The following DLGAP2 variants were observed in gnomAD, a reference collection of about 807,000 sequenced individuals.
DLGAP2 encodes DLG associated protein 2.
A neutral mutation model predicts 100.3 loss-of-function variants in DLGAP2; 26 were observed. The observed-to-expected ratio is 0.26, with a 90% CI of 0.19 to 0.36. DLGAP2 has a LOEUF of 0.36. DLGAP2 is among the 10% of genes least tolerant of loss of function. DLGAP2 has a pLI of 1.00. For missense variants in DLGAP2, 1,858 were observed against 1,453.2 expected, an observed-to-expected ratio of 1.28 and a Z score of -4.53; for synonymous variants, 886 against 630.1, an observed-to-expected ratio of 1.41 and a Z score of -6.08.
rs149100980 is a variant in DLGAP2, at chr8:1,259,351, G to A, written c.106+468G>A. 1.6e-3 allele frequency among the ~76,000 whole-genome samples: 249 copies of A among 152,278 alleles called. 1 individual carries two copies. Among genetic ancestry groups the A allele is most frequent in the African/African-American group, 5.6e-3 (231 of 41,556 alleles). ...CAGTGTTGCTTATTTAACTTTCTAC[G>A]CAAGTCTCCTGTGTTTAAAACACGC... On this transcript the variant is annotated intron_variant, in intron 3 of 14. Transcript: ENST00000637795.
chr8:1,311,417 A>G (rs1481003900), intron 3 of DLGAP2, among the ~76,000 whole-genome samples: 2 of 152,252 alleles, frequency 1.3e-5, no homozygotes, highest in Admixed American at 1.3e-4. Flanking sequence ...AACAATTCCT[A>G]ACACATTCCT....
chr8:1,433,943 G>A (rs936661064), intron 3 of DLGAP2, among the ~76,000 whole-genome samples: 1 of 152,052 alleles, frequency 6.6e-6, no homozygotes, highest in Non-Finnish European at 1.5e-5. Context: ...ACACCTCTTT[G>A]CAAACCACAA....
chr8:1,200,867 G>C (rs1212508553), intron 2 of DLGAP2, among the ~76,000 whole-genome samples: 1 of 152,220 alleles, frequency 6.6e-6, no homozygotes, highest in Non-Finnish European at 1.5e-5. Context: ...GGCATCGAAC[G>C]ATGCGTCCGC....
chr8:852,671 A>G (rs1369202960), intron 1 of DLGAP2, among the ~76,000 whole-genome samples: 1 of 152,168 alleles, frequency 6.6e-6, no homozygotes, highest in Non-Finnish European at 1.5e-5. Context: ...ATGTTCGCAG[A>G]TGTCATGCTA....
intron 1 of DLGAP2, among the ~76,000 whole-genome samples, chr8:787,322 A>G (rs1400729536): frequency 6.6e-6 from 1 of 152,146 alleles, no homozygotes; most frequent in Non-Finnish European, 1.5e-5. Flanking sequence ...ACGTTCTGTG[A>G]TGCTGAGGAC....
chr8:1,071,332 C>T (rs555129874), intron 2 of DLGAP2, among the ~76,000 whole-genome samples: 18 of 152,286 alleles, frequency 1.2e-4, no homozygotes, highest in Middle Eastern at 3.4e-3. Context: ...CCACTTCGGC[C>T]GCCTCCACGG....
intron 2 of DLGAP2, among the ~76,000 whole-genome samples, chr8:1,243,884 G>C (rs1388093932): frequency 6.6e-6 from 1 of 152,194 alleles, no homozygotes; most frequent in Non-Finnish European, 1.5e-5. Flanking sequence ...ATTAAGTCCA[G>C]TGCCTCAGCA....
chr8:1,588,723 G>A (rs1796199765), intron 6 of DLGAP2, among the ~76,000 whole-genome samples: 1 of 122,740 alleles, frequency 8.1e-6, no homozygotes, highest in Non-Finnish European at 1.6e-5. Flanking sequence ...CCAACATGGT[G>A]AAAGCTGTCT....
chr8:1,282,625 G>A (rs1320558497), intron 3 of DLGAP2, among the ~76,000 whole-genome samples: 1 of 109,196 alleles, frequency 9.2e-6, no homozygotes, highest in Non-Finnish European at 1.8e-5. Context: ...CCATCCAGAC[G>A]TGGTGTGACC....
chr8:1,418,105 A>G (rs558282474), intron 3 of DLGAP2, among the ~76,000 whole-genome samples: 2 of 152,288 alleles, frequency 1.3e-5, no homozygotes, highest in South Asian at 4.1e-4. Flanking sequence ...CTGTCCCTCC[A>G]CCAAATAAAA....
Position 861,726 on chromosome 8 carries a change from C to T in DLGAP2, c.19-46186C>T, listed in dbSNP as rs894243442. On this transcript the variant is annotated intron_variant, in intron 1 of 14. Coordinates refer to ENST00000637795, the MANE Select transcript of DLGAP2 (RefSeq NM_001346810.2). ...GGCGGTTGCAAACCTGGCGAGGCCT[C>T]CGTTCCTACTCAAGGGACAGCAGCG... 2.6e-5 allele frequency among the ~76,000 whole-genome samples: 4 copies of T among 152,342 alleles called. No homozygotes were observed. In the East Asian group the frequency reaches 7.7e-4, roughly 29 times the overall value.
chr8:874,867 C>T (rs1797660670), intron 1 of DLGAP2, among the ~76,000 whole-genome samples: 1 of 152,128 alleles, frequency 6.6e-6, no homozygotes, highest in South Asian at 2.1e-4. Context: ...GTTTTTGCTT[C>T]ACATGTTTTG....
At chr8:1,315,413 C>G (rs1478836641) in intron 3 of DLGAP2, among the ~76,000 whole-genome samples, 1 of 141,428 alleles carries the variant, frequency 7.1e-6, no homozygotes, top group South Asian at 2.3e-4. Context: ...AACTCGGCAG[C>G]TTTTAAAAAT....
intron 2 of DLGAP2, among the ~76,000 whole-genome samples, chr8:1,029,434 G>T (rs1801911124): frequency 6.6e-6 from 1 of 152,246 alleles, no homozygotes; most frequent in Non-Finnish European, 1.5e-5. Context: ...GGAAATCAAT[G>T]GAAGAGGTTC....
At chr8:1,664,927 G>A (rs1462913485) in intron 8 of DLGAP2, among the ~76,000 whole-genome samples, 1 of 152,230 alleles carries the variant, frequency 6.6e-6, no homozygotes, top group African/African-American at 2.4e-5. Flanking sequence ...ATCACTGTGT[G>A]TGCCCTGCCA....
chr8:1,189,063 A>G (rs1563241395), intron 2 of DLGAP2, among the ~76,000 whole-genome samples: 1 of 146,996 alleles, frequency 6.8e-6, no homozygotes, highest in Non-Finnish European at 1.5e-5. Flanking sequence ...GAGCATACAC[A>G]GGGTTCGGGC....
At chr8:1,198,529 G>T (rs992914054) in intron 2 of DLGAP2, among the ~76,000 whole-genome samples, 11 of 152,136 alleles carry the variant, frequency 7.2e-5, no homozygotes, top group African/African-American at 2.7e-4. Context: ...CGGGGGAAGG[G>T]GCTGCGAGGA....
chr8:1,229,743 A>G (rs536574665), intron 2 of DLGAP2, among the ~76,000 whole-genome samples: 18 of 152,364 alleles, frequency 1.2e-4, no homozygotes, highest in African/African-American at 4.1e-4. Flanking sequence ...GCAGTTCACC[A>G]CATAAACAGA....
chr8:1,262,934 C>A (rs1799380866), intron 3 of DLGAP2, among the ~76,000 whole-genome samples: 1 of 152,078 alleles, frequency 6.6e-6, no homozygotes, highest in African/African-American at 2.4e-5. Context: ...CTTGATTTGT[C>A]ACCACAGCAG....
Sources: gnomAD v4.1 joint callset for allele counts (sites outside exome capture counted in the v4.1 genomes callset) on GRCh38, gnomAD v4.1.1 for gene constraint, MANE v1.5 for transcripts, NCBI Gene and HGNC (gene_info 2026-07-23, HGNC 2026-07-21) for gene names.